FAM193A: variants seen among roughly 807,000 people sequenced by gnomAD.
FAM193A encodes the protein family with sequence similarity 193 member A.
A neutral mutation model predicts 126.5 loss-of-function variants in FAM193A; 22 were observed. That is an observed-to-expected ratio of 0.17 (90% CI 0.12 to 0.25). The LOEUF (loss-of-function observed/expected upper bound fraction) is 0.25, where lower values mean the gene tolerates loss of function less well. FAM193A is among the 10% of genes least tolerant of loss of function. FAM193A has a pLI of 1.00. For synonymous variants in FAM193A, 761 were observed against 646.8 expected, an observed-to-expected ratio of 1.18 and a Z score of -2.68; for missense variants, 1,675 against 1,672.8, an observed-to-expected ratio of 1.00 and a Z score of -0.02.
At chr4:2,662,806 G>A (rs371225215) in intron 10 of FAM193A, 32 bp from the exon 11 acceptor site, 1 of 1,573,364 alleles carries the variant, frequency 6.4e-7, no homozygotes, top group Non-Finnish European at 8.7e-7. Flanking sequence ...ACAATTGAAT[G>A]ACCTCACAGT....
intron 2 of FAM193A, among the ~76,000 whole-genome samples, chr4:2,601,747 C>A (rs1236579047): frequency 2.0e-5 from 3 of 151,014 alleles, no homozygotes; most frequent in African/African-American, 7.3e-5. Flanking sequence ...AATTATAAAC[C>A]AAAAAAAAGT....
chr4:2,600,984 G>A (rs1056978762), intron 2 of FAM193A, among the ~76,000 whole-genome samples: 4 of 152,178 alleles, frequency 2.6e-5, no homozygotes, highest in African/African-American at 9.7e-5. Context: ...GCCCACCAGC[G>A]TGGCACATGC....
At position 2,663,174 on chromosome 4, in the gene FAM193A, G is replaced by A; in HGVS notation, c.1965G>A (p.Glu655=). 6.2e-7 allele frequency: 1 copy of A among 1,614,218 alleles called. No homozygotes were observed. The highest frequency in any genetic ancestry group is 8.5e-7 in the Non-Finnish European group (1 of 1,180,032). Residue 655 remains glutamate (E), a synonymous_variant, in exon 12 of 21, where the codon GAG becomes GAA. Transcript: ENST00000637812. The part of the protein sequence containing the change: ...SEADDEEADG[E]SSGEPPGAPK... Reference sequence around the variant, plus strand: ...CTGATGATGAAGAAGCGGACGGCGAGAGTAGTGGGGAGCCCCCAGGGGCCC... The same window carrying A: ...CTGATGATGAAGAAGCGGACGGCGAAAGTAGTGGGGAGCCCCCAGGGGCCC...
chr4:2,653,786 G>T (rs914766445), intron 7 of FAM193A, among the ~76,000 whole-genome samples: 5 of 152,186 alleles, frequency 3.3e-5, no homozygotes, highest in Non-Finnish European at 5.9e-5. Flanking sequence ...GAAACCATGA[G>T]AAACAATCTG....
intron 1 of FAM193A, among the ~76,000 whole-genome samples, chr4:2,552,704 ATTT>A (rs937484952): frequency 2.7e-5 from 4 of 149,338 alleles, no homozygotes; most frequent in Non-Finnish European, 5.9e-5. Context: ...TTCCTGGCTA[ATTT>A]TTTGTATTTT....
intron 1 of FAM193A, among the ~76,000 whole-genome samples, chr4:2,572,254 G>A (rs1270341946): frequency 6.6e-6 from 1 of 151,446 alleles, no homozygotes; most frequent in South Asian, 2.1e-4. Flanking sequence ...GCTTGAACCT[G>A]GCAGGCAGAG....
intron 1 of FAM193A, among the ~76,000 whole-genome samples, chr4:2,587,198 C>G (rs549623779): frequency 1.3e-5 from 2 of 152,086 alleles, no homozygotes; most frequent in Non-Finnish European, 2.9e-5. Context: ...TTTCCACTTA[C>G]GGCACAAGGT....
intron 1 of FAM193A, among the ~76,000 whole-genome samples, chr4:2,562,097 T>C (rs1184758752): frequency 6.6e-6 from 1 of 152,156 alleles, no homozygotes; most frequent in Non-Finnish European, 1.5e-5. Flanking sequence ...TTAGATAATC[T>C]CGAAGGCCTT....
At chr4:2,655,434 TGTG>T (rs1711552742) in intron 7 of FAM193A, among the ~76,000 whole-genome samples, 5 of 149,976 alleles carry the variant, frequency 3.3e-5, no homozygotes, top group African/African-American at 1.3e-4. Context: ...CGTGTGTGTG[TGTG>T]CGTGTGCGCC....
At chr4:2,589,689 T>C (rs1244908396) in intron 1 of FAM193A, among the ~76,000 whole-genome samples, 1 of 152,224 alleles carries the variant, frequency 6.6e-6, no homozygotes, top group Non-Finnish European at 1.5e-5. Flanking sequence ...GTATTAATGT[T>C]AGTAATTGCT....
chr4:2,645,500 C>A (rs1745043614), intron 6 of FAM193A, among the ~76,000 whole-genome samples: 1 of 151,994 alleles, frequency 6.6e-6, no homozygotes, highest in Non-Finnish European at 1.5e-5. Flanking sequence ...CATTTTCCAT[C>A]TTGCCATCTT....
intron 1 of FAM193A, among the ~76,000 whole-genome samples, chr4:2,579,548 T>C (rs537774041): frequency 3.3e-5 from 5 of 151,884 alleles, no homozygotes; most frequent in African/African-American, 1.2e-4. Context: ...AAATAAAAAA[T>C]ATTAGCCAGA....
chr4:2,727,385 TCTTA>T (rs201286137), intron 20 of FAM193A, among the ~76,000 whole-genome samples: 3,576 of 152,284 alleles, frequency 0.023, 57 homozygotes, highest in Middle Eastern at 0.048. Context: ...AGGATGTAAA[TCTTA>T]CTTACTTATT....
intron 1 of FAM193A, among the ~76,000 whole-genome samples, chr4:2,545,783 G>A (rs994242420): frequency 6.6e-5 from 10 of 152,180 alleles, no homozygotes; most frequent in African/African-American, 2.2e-4. Flanking sequence ...TCCTGCTCAA[G>A]CAGTGCTCCC....
chr4:2,647,158 T>G (rs1407058973), intron 7 of FAM193A, among the ~76,000 whole-genome samples: 1 of 151,936 alleles, frequency 6.6e-6, no homozygotes, highest in Non-Finnish European at 1.5e-5. Flanking sequence ...TTTTTCTTTT[T>G]TTTTGAGATG....
intron 19 of FAM193A, among the ~76,000 whole-genome samples, chr4:2,701,893 C>T (rs1160584305): frequency 6.6e-6 from 1 of 151,936 alleles, no homozygotes; most frequent in African/African-American, 2.4e-5. Flanking sequence ...TCTCCTGCCT[C>T]AGCCTCTCAA....
chr4:2,543,857 G>A (rs1464311179), intron 1 of FAM193A, among the ~76,000 whole-genome samples: 1 of 67,164 alleles, frequency 1.5e-5, no homozygotes, highest in Non-Finnish European at 2.7e-5. Flanking sequence ...ACAAAAGAAT[G>A]AGACATTGTC....
intron 2 of FAM193A, chr4:2,608,110 C>T (rs1741650782): frequency 1.2e-6 from 2 of 1,608,348 alleles, no homozygotes; most frequent in African/African-American, 2.7e-5. Flanking sequence ...CTTCCACGAT[C>T]TACTATATCT....
intron 13 of FAM193A, among the ~76,000 whole-genome samples, chr4:2,684,980 C>T (rs182905089): frequency 5.3e-5 from 8 of 152,296 alleles, no homozygotes; most frequent in South Asian, 4.1e-4. Flanking sequence ...AGGAAGTTAA[C>T]GACTACAGGG....
Sources: allele counts gnomAD v4.1 joint callset (sites outside exome capture counted in the v4.1 genomes callset), GRCh38; gene constraint gnomAD v4.1.1; transcripts MANE v1.5; gene names NCBI Gene and HGNC (gene_info 2026-07-23, HGNC 2026-07-21).